The following LAIR1 variants were observed in gnomAD, a reference collection of about 807,000 sequenced individuals.
LAIR1 encodes the protein leukocyte-associated immunoglobulin-like receptor 1.
Under a neutral mutation model 32.8 loss-of-function variants are expected in LAIR1, and 24 were observed. The observed-to-expected ratio is 0.73, with a 90% CI of 0.53 to 1.03. The LOEUF is 1.03. Among genes scored for constraint, LAIR1 ranks in the 50% least tolerant of loss-of-function variants. The pLI is 0.00. For missense variants in LAIR1, 355 were observed against 347.5 expected, an observed-to-expected ratio of 1.02 and a Z score of -0.17; for synonymous variants, 150 against 140.5, an observed-to-expected ratio of 1.07 and a Z score of -0.48.
chr19:54,370,704 C>T (rs1286826711), upstream of LAIR1: 15 of 170,148 alleles, frequency 8.8e-5, no homozygotes, highest in Non-Finnish European at 1.6e-4. Flanking sequence ...CGATTTTACC[C>T]AGGATGGGGC....
chr19:54,365,108 G>A (rs536161207), upstream of LAIR1: 193 of 1,223,886 alleles, frequency 1.6e-4, no homozygotes, highest in African/African-American at 1.3e-3. Flanking sequence ...ATGGGACAAG[G>A]CAGAATAAAG....
chr19:54,355,327 G>A lies in LAIR1; in HGVS notation c.805C>T (p.Pro269Ser). 1 of 1,613,470 alleles carries A rather than the reference G, an allele frequency of 6.2e-7. No individual in the cohort carries two copies. Among genetic ancestry groups the A allele is most frequent in the Non-Finnish European group, 8.5e-7 (1 of 1,179,614 alleles). Residue 269 changes from proline (P) to serine (S), a missense_variant, in exon 10 of 10, where the codon CCA becomes TCA. Physicochemically the swap from Pro to Ser is moderately conservative, Grantham distance 74. Coordinates refer to ENST00000391742, the MANE Select transcript of LAIR1 (RefSeq NM_002287.6). The surrounding 1 kb of genome is among the most constrained non-coding windows in gnomAD (Gnocchi z 4.7). ...LTQRTARAVS[P>S]QSTKPMAESI... ...TCGGCCATGGGCTTTGTGGACTGTG[G>A]GGACACAGCCCGGGCTGTCCTCTGT... is the stretch of plus-strand genomic sequence containing the variant.
At chr19:54,373,941 G>T (rs1274862106), upstream of LAIR1, among the ~76,000 whole-genome samples, 1 of 152,208 alleles carries the variant, frequency 6.6e-6, no homozygotes, top group Non-Finnish European at 1.5e-5. Context: ...AAAATTTGCT[G>T]ACACATGTCA....
chr19:54,373,509 G>A (rs572835036), upstream of LAIR1, among the ~76,000 whole-genome samples: 30 of 152,246 alleles, frequency 2.0e-4, no homozygotes, highest in South Asian at 2.9e-3. Flanking sequence ...CCTCTTATAC[G>A]CTTGGTGTTT....
In LAIR1 at chr19:54,354,886, G is replaced by C; in HGVS notation, c.*382C>G. 5.4e-6 allele frequency: 1 copy of C among 186,632 alleles called. No homozygotes were observed. The highest frequency in any genetic ancestry group is 1.1e-5 in the Non-Finnish European group (1 of 91,108). 11.6% of individuals were successfully genotyped at this position (186,632 alleles called of 1,614,324 possible). ...GACACCTAGGACAAGCTTGGAGGTG[G>C]CATCACTGCTCAGGAAATCGGCTGA... On this transcript the variant is annotated 3_prime_UTR_variant, in exon 10 of 10. Coordinates refer to ENST00000391742, the MANE Select transcript of LAIR1 (RefSeq NM_002287.6).
rs1601250967 is a variant in LAIR1 at position 54,353,174 on chromosome 19, AAAGAG to A, written c.*2089_*2093del. On this transcript the variant is annotated 3_prime_UTR_variant, in exon 10 of 10. Transcript: ENST00000391742. ...GAAACTCCATCTCAAAAAAAAAAAAAAAGAGAGAGAGAGACAGAGAGACACACAGT... is the reference window on the plus strand; with the variant it reads ...GAAACTCCATCTCAAAAAAAAAAAAAAGAGAGAGACAGAGAGACACACAGT... The A allele has an allele frequency of 2.0e-5, 3 of 152,092 alleles. No individual in the cohort carries two copies. The highest frequency in any genetic ancestry group is 1.9e-4 in the East Asian group (1 of 5,192). 9.4% of individuals were successfully genotyped at this position (152,092 alleles called of 1,614,324 possible).
rs202165854 is a variant in LAIR1 at position 54,364,731 on chromosome 19, C to G, written c.34+40G>C. 362 of 1,559,702 alleles carry G rather than the reference C, an allele frequency of 2.3e-4. 1 individual carries two copies. In the African/African-American group the frequency reaches 4.4e-3, roughly 19 times the overall value. On this transcript the variant is annotated intron_variant, in intron 1 of 9. Coordinates refer to ENST00000391742, the MANE Select transcript of LAIR1 (RefSeq NM_002287.6). This position sits in a 1 kb window ranked among gnomAD's most constrained non-coding sequence, Gnocchi z 4.8. ...TGAGCAGGGAATTTTCCAGACCTCC[C>G]GACCCCCTTTCCAGCCTCCCGGCTG... is the stretch of plus-strand genomic sequence containing the variant.
upstream of LAIR1, among the ~76,000 whole-genome samples, chr19:54,373,422 T>A (rs571545838): frequency 1.3e-5 from 2 of 150,940 alleles, no homozygotes; most frequent in Non-Finnish European, 2.9e-5. Flanking sequence ...CCAGCCAGGG[T>A]GACAGAGCGA....
At chr19:54,366,132 G>C (rs1224878381), upstream of LAIR1, among the ~76,000 whole-genome samples, 1 of 152,094 alleles carries the variant, frequency 6.6e-6, no homozygotes. Context: ...GGGAAATGGG[G>C]AGTTATTAAC....
At chr19:54,370,745 C>CTTT (rs888378247), upstream of LAIR1, among the ~76,000 whole-genome samples, 1 of 145,896 alleles carries the variant, frequency 6.9e-6, no homozygotes, top group African/African-American at 2.5e-5. Context: ...CCAAACGTTA[C>CTTT]TTTTTTTTTT....
upstream of LAIR1, among the ~76,000 whole-genome samples, chr19:54,371,721 C>T (rs142024314): frequency 1.1e-3 from 172 of 151,664 alleles, 5 homozygotes; most frequent in East Asian, 0.027. Context: ...ATTCAAAATT[C>T]CTGTCTTTAC....
At chr19:54,363,669 C>T (rs370221586) in intron 2 of LAIR1, among the ~76,000 whole-genome samples, 120 of 152,252 alleles carry the variant, frequency 7.9e-4, no homozygotes, top group African/African-American at 2.8e-3. Context: ...AACCAGAGGA[C>T]GTTAGGCTAA....
chr19:54,355,133 C>T lies in LAIR1; in HGVS notation c.*135G>A, dbSNP rs1004142441. ...GGTTAGAAACCTCCAGTCTCCAGCT[C>T]TTGTCTCCAGGACAGCTGCCTGGCT... On this transcript the variant is annotated 3_prime_UTR_variant, in exon 10 of 10. Transcript: ENST00000391742. This position sits in a 1 kb window ranked among gnomAD's most constrained non-coding sequence, Gnocchi z 4.7. The T allele has an allele frequency of 1.4e-5, 12 of 861,848 alleles. No homozygotes were observed. The South Asian group carries it at 1.6e-4, about 11-fold the overall frequency. The allele number at this position is 861,848 out of a possible 1,614,324, so 53.4% of individuals were successfully genotyped here.
At chr19:54,363,423 C>T (rs147905419) in intron 2 of LAIR1, among the ~76,000 whole-genome samples, 3,002 of 152,016 alleles carry the variant, frequency 0.02, 101 homozygotes, top group African/African-American at 0.069. Context: ...GGAAAAGTGC[C>T]GGGCTCAGCC....
At chr19:54,371,237 T>C (rs771832344), upstream of LAIR1, among the ~76,000 whole-genome samples, 8 of 151,480 alleles carry the variant, frequency 5.3e-5, no homozygotes, top group Non-Finnish European at 1.2e-4. Flanking sequence ...GTAAATATAG[T>C]GTTCTCTCAT....
chr19:54,374,056 G>T (rs1345436071), upstream of LAIR1, among the ~76,000 whole-genome samples: 1 of 152,080 alleles, frequency 6.6e-6, no homozygotes, highest in African/African-American at 2.4e-5. Context: ...ACTTCCCAGA[G>T]GTTCCAATGC....
Position 54,360,964 on chromosome 19 carries a change from G to T in LAIR1, c.316C>A (p.Pro106Thr), listed in dbSNP as rs747150727. 2.5e-6 allele frequency: 4 copies of T among 1,614,194 alleles called. No individual in the cohort carries two copies. The highest frequency in any genetic ancestry group is 1.3e-5 in the African/African-American group (1 of 75,056). The change falls in exon 3 of 10, where the codon CCC (proline) becomes ACC (threonine). Residue 106 changes from proline (P) to threonine (T), a missense_variant. By Grantham distance (38) the Pro-to-Thr change is conservative. Transcript: ENST00000391742. The part of the protein sequence containing the change: ...AGLYRCIYYK[P>T]PKWSEQSDYL... ...TCACTCTGCTCAGACCATTTAGGGG[G>T]CTTATAATAGATGCAGCGATAAAGC...
Position 54,364,234 on chromosome 19 carries a change from C to T in LAIR1, c.70+61G>A. The T allele has an allele frequency of 6.5e-7, 1 of 1,548,278 alleles. No homozygotes were observed. Among genetic ancestry groups the T allele is most frequent in the East Asian group, 2.3e-5 (1 of 44,416 alleles). On this transcript the variant is annotated intron_variant, in intron 2 of 9. Transcript: ENST00000391742. The surrounding 1 kb of genome is among the most constrained non-coding windows in gnomAD (Gnocchi z 4.8). ...CCTCTAAGAATCAACATCACTCCCA[C>T]CCAGCACTGCCCTTGGGGTGACAGA... is the stretch of plus-strand genomic sequence containing the variant.
Position 54,364,024 on chromosome 19 carries a change from C to T in LAIR1, c.70+271G>A, listed in dbSNP as rs2082143824. ...ATCTTTCCACAATGTGTACATACGTCATAATATCACACTGTACCCCGCAAA... is the reference window on the plus strand; with the variant it reads ...ATCTTTCCACAATGTGTACATACGTTATAATATCACACTGTACCCCGCAAA... On this transcript the variant is annotated intron_variant, in intron 2 of 9. Coordinates refer to ENST00000391742, the MANE Select transcript of LAIR1 (RefSeq NM_002287.6). This position sits in a 1 kb window ranked among gnomAD's most constrained non-coding sequence, Gnocchi z 4.8. Among the ~76,000 whole-genome samples the T allele has an allele frequency of 6.6e-6, 1 of 151,946 alleles. No homozygotes were observed. The highest frequency in any genetic ancestry group is 2.4e-5 in the African/African-American group (1 of 41,304).
Sources: allele counts gnomAD v4.1 joint callset (sites outside exome capture counted in the v4.1 genomes callset), GRCh38; gene constraint gnomAD v4.1.1; non-coding constraint Gnocchi (gnomAD v3.1); transcripts MANE v1.5; gene names NCBI Gene and HGNC (gene_info 2026-07-23, HGNC 2026-07-21).